Variants in NRXN3 observed in about 807,000 individuals in gnomAD.
NRXN3 encodes neurexin III.
A neutral mutation model predicts 137.6 loss-of-function variants in NRXN3; 32 were observed. The observed-to-expected ratio is 0.23, with a 90% CI of 0.18 to 0.31. The LOEUF (loss-of-function observed/expected upper bound fraction) is 0.31. NRXN3 is among the 10% of genes least tolerant of loss of function. The pLI, the probability that NRXN3 is intolerant of heterozygous loss-of-function variation, is 1.00. For synonymous variants in NRXN3, 798 were observed against 784.5 expected, an observed-to-expected ratio of 1.02 and a Z score of -0.29; for missense variants, 1,574 against 2,062.5, an observed-to-expected ratio of 0.76 and a Z score of 4.59.
At chr14:78,426,658 G>A (rs2093677139) in intron 4 of NRXN3, among the ~76,000 whole-genome samples, 1 of 152,132 alleles carries the variant, frequency 6.6e-6, no homozygotes, top group Non-Finnish European at 1.5e-5. Context: ...TCCAGGAAAT[G>A]TAGCTGGGCC....
At chr14:78,944,498 C>T (rs541092057) in intron 10 of NRXN3, among the ~76,000 whole-genome samples, 9 of 152,196 alleles carry the variant, frequency 5.9e-5, no homozygotes, top group Non-Finnish European at 1.0e-4. Context: ...TGTCTTTGCA[C>T]ATGCAATTAG....
chr14:79,560,304 T>C (rs897996932), intron 16 of NRXN3, among the ~76,000 whole-genome samples: 3 of 151,892 alleles, frequency 2.0e-5, no homozygotes, highest in African/African-American at 7.3e-5. Context: ...TTTTTAGAGT[T>C]TATATTGGTA....
intron 16 of NRXN3, among the ~76,000 whole-genome samples, chr14:79,607,575 G>T (rs2098037162): frequency 6.6e-6 from 1 of 151,976 alleles, no homozygotes; most frequent in African/African-American, 2.4e-5. Context: ...TTTCTGGTGG[G>T]AAAAGGGAAT....
At chr14:78,585,358 G>A (rs2097052223) in intron 4 of NRXN3, among the ~76,000 whole-genome samples, 1 of 152,158 alleles carries the variant, frequency 6.6e-6, no homozygotes, top group African/African-American at 2.4e-5. Flanking sequence ...GGAAGGCTGA[G>A]AGTAGAGATG....
chr14:79,650,143 A>G (rs1272631955), intron 16 of NRXN3, among the ~76,000 whole-genome samples: 2 of 152,126 alleles, frequency 1.3e-5, no homozygotes, highest in Admixed American at 6.6e-5. Flanking sequence ...TGTGTGGGGA[A>G]AAACCTCCAC....
chr14:78,882,055 C>T (rs1194953062), intron 10 of NRXN3, among the ~76,000 whole-genome samples: 1 of 151,778 alleles, frequency 6.6e-6, no homozygotes, highest in African/African-American at 2.4e-5. Context: ...TGTAAGCCCC[C>T]ATTCTTGGCA....
At chr14:79,662,033 T>G (rs1222445795) in intron 16 of NRXN3, among the ~76,000 whole-genome samples, 1 of 152,124 alleles carries the variant, frequency 6.6e-6, no homozygotes, top group African/African-American at 2.4e-5. Flanking sequence ...CTGATGGTTT[T>G]ATGAGGGGGT....
intron 4 of NRXN3, among the ~76,000 whole-genome samples, chr14:78,511,648 A>G (rs956893378): frequency 5.9e-5 from 9 of 152,230 alleles, no homozygotes; most frequent in South Asian, 2.1e-4. Context: ...ATAAGCAGGT[A>G]AGATGGAGCC....
intron 1 of NRXN3, among the ~76,000 whole-genome samples, chr14:78,172,915 C>A (rs1019008252): frequency 6.6e-6 from 1 of 152,080 alleles, no homozygotes; most frequent in Non-Finnish European, 1.5e-5. Flanking sequence ...TGACGGCGTT[C>A]TGGCCTCCGT....
At position 79,049,051 on chromosome 14, in the gene NRXN3, AAAAAAAAAAAAAAAAAAAAAAAAT is replaced by A. The variant is rs1568111460; in HGVS notation, c.3262+60913_3262+60936del. Among the ~76,000 whole-genome samples the A allele has an allele frequency of 6.4e-3, 419 of 65,442 alleles. 9 individuals are homozygous for A. The highest frequency in any genetic ancestry group is 0.023 in the East Asian group (65 of 2,778). 42.9% of individuals were successfully genotyped at this position (65,442 alleles called of 152,430 possible). On this transcript the variant is annotated intron_variant, in intron 15 of 20. Coordinates refer to ENST00000335750, the MANE Select transcript of NRXN3 (RefSeq NM_001330195.2). Reference sequence around the variant, plus strand: ...AAAAAAAAAAAAAAAAAAAAAAAAAAAAAAAAAAAAAAAAAAAAAAAAATAATAATAATAATAATAATAATATGA... The same window carrying A: ...AAAAAAAAAAAAAAAAAAAAAAAAAAAATAATAATAATAATAATAATATGA...
intron 15 of NRXN3, among the ~76,000 whole-genome samples, chr14:79,173,322 G>A (rs1396712548): frequency 6.6e-6 from 1 of 151,898 alleles, no homozygotes; most frequent in Admixed American, 6.6e-5. Context: ...TTGAGCCCAG[G>A]AGTTGGAGAC....
chr14:79,599,252 T>C (rs2153832147), intron 16 of NRXN3, among the ~76,000 whole-genome samples: 1 of 152,324 alleles, frequency 6.6e-6, no homozygotes, highest in South Asian at 2.1e-4. Context: ...GTTCTAATCC[T>C]TGAACTCATT....
chr14:79,794,191 C>T (rs190269011), intron 19 of NRXN3, among the ~76,000 whole-genome samples: 33 of 152,030 alleles, frequency 2.2e-4, no homozygotes, highest in African/African-American at 7.5e-4. Flanking sequence ...GGTGAAACCC[C>T]GTCTCTACAA....
intron 19 of NRXN3, among the ~76,000 whole-genome samples, chr14:79,731,136 C>T (rs555072038): frequency 2.0e-5 from 3 of 152,284 alleles, no homozygotes; most frequent in African/African-American, 7.2e-5. Context: ...GATCTCAACT[C>T]AACTGTGCAG....
At chr14:78,985,240 C>T (rs2099500258) in intron 14 of NRXN3, among the ~76,000 whole-genome samples, 1 of 152,152 alleles carries the variant, frequency 6.6e-6, no homozygotes, top group African/African-American at 2.4e-5. Context: ...TACTGGAACA[C>T]TTTCTGCATC....
intron 15 of NRXN3, among the ~76,000 whole-genome samples, chr14:79,166,029 A>G (rs1296946766): frequency 6.6e-6 from 1 of 152,038 alleles, no homozygotes; most frequent in African/African-American, 2.4e-5. Context: ...CTCCAATATT[A>G]AAAACGCATG....
chr14:79,158,239 G>A (rs1395432139), intron 15 of NRXN3, among the ~76,000 whole-genome samples: 1 of 151,764 alleles, frequency 6.6e-6, no homozygotes, highest in East Asian at 1.9e-4. Context: ...CTTAGGTTGT[G>A]TAGAAAAGTC....
At chr14:78,554,802 T>C (rs1186475032) in intron 4 of NRXN3, among the ~76,000 whole-genome samples, 1 of 152,172 alleles carries the variant, frequency 6.6e-6, no homozygotes, top group African/African-American at 2.4e-5. Flanking sequence ...GGCAAGGTAC[T>C]GGGGAGTGTC....
At chr14:78,389,672 G>T (rs193033402) in intron 4 of NRXN3, among the ~76,000 whole-genome samples, 6 of 152,018 alleles carry the variant, frequency 3.9e-5, no homozygotes, top group African/African-American at 1.2e-4. Flanking sequence ...CATACTCATG[G>T]CAAACACTTT....
Sources: gnomAD v4.1 joint callset for allele counts (sites outside exome capture counted in the v4.1 genomes callset) on GRCh38, gnomAD v4.1.1 for gene constraint, MANE v1.5 for transcripts, NCBI Gene and HGNC (gene_info 2026-07-23, HGNC 2026-07-21) for gene names.